Variants in DKK2 observed in about 807,000 individuals in gnomAD.
DKK2 encodes dickkopf-related protein 2.
In DKK2, 11 loss-of-function variants were observed where a neutral mutation model predicts 28.1. The ratio of observed to expected loss-of-function variants is 0.39; its 90% confidence interval spans 0.25 to 0.65. The LOEUF (loss-of-function observed/expected upper bound fraction) is 0.65. DKK2 is among the 30% of genes least tolerant of loss of function. DKK2 has a pLI of 0.47. For synonymous variants in DKK2, 135 were observed against 126.5 expected (o/e 1.07, Z -0.45); for missense variants, 326 against 335.5 (o/e 0.97, Z 0.22).
intron 3 of DKK2, 77 bp downstream of exon 3, chr4:106,924,468 A>C: frequency 6.6e-7 from 1 of 1,506,532 alleles, no homozygotes; most frequent in African/African-American, 1.4e-5. Context: ...TTTTTCTAAA[A>C]CCAATGGAAT....
Position 107,035,497 on chromosome 4 carries a change from C to G in DKK2, c.95G>C (p.Arg32Pro), listed in dbSNP as rs370541160. ...GGACTTGATGGAGTTGAGTTTGGCC[C>G]GCGAACTGCCGATCTGTGAGCTCTC... is the stretch of plus-strand genomic sequence containing the variant. ...MVESSQIGSS[R>P]AKLNSIKSSL... Residue 32 changes from arginine to proline, a missense_variant, in exon 1 of 4, where the codon CGG (arginine) becomes CCG (proline). Coordinates refer to ENST00000285311, the MANE Select transcript of DKK2 (RefSeq NM_014421.3). 3.1e-6 allele frequency: 5 copies of G among 1,614,004 alleles called. No individual in the cohort carries two copies. The highest frequency in any genetic ancestry group is 2.7e-5 in the African/African-American group (2 of 74,904).
intron 1 of DKK2, among the ~76,000 whole-genome samples, chr4:106,966,795 A>T (rs1722786965): frequency 6.6e-6 from 1 of 152,132 alleles, no homozygotes; most frequent in Non-Finnish European, 1.5e-5. Context: ...CCATATTTGA[A>T]ACCAACAGAT....
At chr4:106,974,256 G>C (rs1722909663) in intron 1 of DKK2, among the ~76,000 whole-genome samples, 1 of 152,068 alleles carries the variant, frequency 6.6e-6, no homozygotes, top group South Asian at 2.1e-4. Flanking sequence ...AATTAAGGTA[G>C]TTTTTTTCTA....
At chr4:106,954,813 AC>A (rs1170212752) in intron 1 of DKK2, among the ~76,000 whole-genome samples, 3 of 152,098 alleles carry the variant, frequency 2.0e-5, no homozygotes, top group Non-Finnish European at 4.4e-5. Context: ...GAGCCACTGC[AC>A]CCGGCTAGAA....
At chr4:106,971,928 T>C (rs1722873086) in intron 1 of DKK2, among the ~76,000 whole-genome samples, 1 of 152,064 alleles carries the variant, frequency 6.6e-6, no homozygotes, top group Non-Finnish European at 1.5e-5. Context: ...ATTATTTTCT[T>C]TTTCCACTCC....
intron 1 of DKK2, among the ~76,000 whole-genome samples, chr4:106,991,533 C>A (rs1218899202): frequency 6.6e-6 from 1 of 152,178 alleles, no homozygotes; most frequent in Non-Finnish European, 1.5e-5. Flanking sequence ...AAATTCTTCA[C>A]CTGGGCTTCT....
intron 1 of DKK2, among the ~76,000 whole-genome samples, chr4:106,928,098 T>C (rs1724449068): frequency 6.6e-6 from 1 of 152,136 alleles, no homozygotes; most frequent in Non-Finnish European, 1.5e-5. Context: ...GAATGGCGCA[T>C]CACCATCTTT....
In DKK2 at chr4:107,035,424, G is replaced by A; in HGVS notation, c.168C>T (p.Gly56=). ...TPGQAANRSA[G]MYQGLAFGGS... ...CGCCGAATGCCAGTCCTTGGTACAT[G>A]CCCGCAGATCGATTGGCGGCCTGAC... The change falls in exon 1 of 4, where the codon GGC becomes GGT. Residue 56 remains glycine (G), a synonymous_variant. Transcript: ENST00000285311. 1 of 1,614,216 alleles carries A rather than the reference G, an allele frequency of 6.2e-7. No homozygotes were observed. The highest frequency in any genetic ancestry group is 8.5e-7 in the Non-Finnish European group (1 of 1,180,052).
Position 106,924,626 on chromosome 4 carries a change from G to T in DKK2, c.448C>A (p.Arg150=), listed in dbSNP as rs1254069801. The part of the protein sequence containing the change: ...PALDGTRHRD[R]NHGHYSNHDL... ...TGGTTTGAGTAATGACCGTGGTTTC[G>T]ATCTCTGTGCCGAGTACCATCCAGA... is the stretch of plus-strand genomic sequence containing the variant. The change falls in exon 3 of 4, where the codon CGA becomes AGA. Residue 150 remains arginine (R), a synonymous_variant. Coordinates refer to ENST00000285311, the MANE Select transcript of DKK2 (RefSeq NM_014421.3). 3 of 1,613,790 alleles carry T rather than the reference G, an allele frequency of 1.9e-6. No individual in the cohort carries two copies. Among genetic ancestry groups the T allele is most frequent in the Admixed American group, 1.7e-5 (1 of 59,990 alleles).
At chr4:107,031,926 A>T (rs1351783648) in intron 1 of DKK2, among the ~76,000 whole-genome samples, 1 of 151,966 alleles carries the variant, frequency 6.6e-6, no homozygotes, top group Non-Finnish European at 1.5e-5. Context: ...ATACTTCATC[A>T]AAATATATTT....
At chr4:106,990,396 C>T (rs907710435) in intron 1 of DKK2, among the ~76,000 whole-genome samples, 1 of 152,142 alleles carries the variant, frequency 6.6e-6, no homozygotes, top group Non-Finnish European at 1.5e-5. Context: ...GTTTCACAAA[C>T]CTCAAGTGTT....
intron 1 of DKK2, among the ~76,000 whole-genome samples, chr4:107,027,742 C>A (rs1421339194): frequency 6.8e-6 from 1 of 147,368 alleles, no homozygotes; most frequent in Non-Finnish European, 1.5e-5. Flanking sequence ...TGCTTATGAC[C>A]TCCACCTATT....
At chr4:107,004,904 A>G (rs985920906) in intron 1 of DKK2, among the ~76,000 whole-genome samples, 1 of 152,168 alleles carries the variant, frequency 6.6e-6, no homozygotes, top group Non-Finnish European at 1.5e-5. Context: ...TTTAAACATG[A>G]AAGAAGGGAA....
chr4:106,957,600 G>T (rs1722614901), intron 1 of DKK2, among the ~76,000 whole-genome samples: 1 of 151,618 alleles, frequency 6.6e-6, no homozygotes, highest in Admixed American at 6.6e-5. Flanking sequence ...CATGTCCTTT[G>T]TAAGGACATG....
chr4:106,969,535 G>A (rs1474889253), intron 1 of DKK2, among the ~76,000 whole-genome samples: 1 of 151,684 alleles, frequency 6.6e-6, no homozygotes, highest in Non-Finnish European at 1.5e-5. Context: ...GAGAAGAAGA[G>A]GACAGTGTTT....
intron 1 of DKK2, among the ~76,000 whole-genome samples, chr4:106,969,595 C>T (rs2110353670): frequency 6.6e-6 from 1 of 152,150 alleles, no homozygotes; most frequent in Non-Finnish European, 1.5e-5. Flanking sequence ...TTTCACTCCT[C>T]TCTAATTTTT....
chr4:107,000,931 T>C (rs1285882455), intron 1 of DKK2, among the ~76,000 whole-genome samples: 2 of 152,112 alleles, frequency 1.3e-5, no homozygotes, highest in Non-Finnish European at 2.9e-5. Flanking sequence ...GTACTAACCG[T>C]AACAGGTTCT....
chr4:106,967,544 C>G (rs1423855565), intron 1 of DKK2, among the ~76,000 whole-genome samples: 1 of 152,068 alleles, frequency 6.6e-6, no homozygotes, highest in Non-Finnish European at 1.5e-5. Flanking sequence ...CATCCATGTT[C>G]CAGAGATTGG....
intron 1 of DKK2, among the ~76,000 whole-genome samples, chr4:106,935,846 G>C (rs186028888): frequency 2.6e-5 from 4 of 152,318 alleles, no homozygotes; most frequent in East Asian, 3.9e-4. Flanking sequence ...GCACACCCCA[G>C]CAGGGTCACA....
Sources: gnomAD v4.1 joint callset for allele counts (sites outside exome capture counted in the v4.1 genomes callset) on GRCh38, gnomAD v4.1.1 for gene constraint, MANE v1.5 for transcripts, NCBI Gene and HGNC (gene_info 2026-07-23, HGNC 2026-07-21) for gene names.